The following PHACTR3 variants were observed in gnomAD, a reference collection of about 807,000 sequenced individuals.
PHACTR3 encodes the protein phosphatase and actin regulator 3, also known as protein phosphatase 1, regulatory subunit 123.
A neutral mutation model predicts 66.8 loss-of-function variants in PHACTR3; 16 were observed. That is an observed-to-expected ratio of 0.24 (90% CI 0.16 to 0.36). The LOEUF (loss-of-function observed/expected upper bound fraction) is 0.36, where lower values mean the gene tolerates loss of function less well. PHACTR3 is among the 10% of genes least tolerant of loss of function. PHACTR3 has a pLI of 1.00. For missense variants in PHACTR3, 647 were observed against 719.9 expected, an observed-to-expected ratio of 0.90 and a Z score of 1.16; for synonymous variants, 323 against 292.1, an observed-to-expected ratio of 1.11 and a Z score of -1.08.
chr20:59,839,515 A>T (rs1272380730), intron 9 of PHACTR3, among the ~76,000 whole-genome samples: 1 of 152,216 alleles, frequency 6.6e-6, no homozygotes, highest in East Asian at 1.9e-4. Flanking sequence ...TCTCTTTCCT[A>T]GGAATGGAGC....
At chr20:59,617,278 C>CA (rs948305834) in intron 1 of PHACTR3, among the ~76,000 whole-genome samples, 53 of 151,340 alleles carry the variant, frequency 3.5e-4, no homozygotes, top group African/African-American at 7.3e-4. Context: ...GAGAAAAACC[C>CA]AAAAAAAACA....
At chr20:59,683,998 A>C (rs922756664) in intron 1 of PHACTR3, among the ~76,000 whole-genome samples, 1 of 152,192 alleles carries the variant, frequency 6.6e-6, no homozygotes, top group African/African-American at 2.4e-5. Context: ...AAGAACGCAG[A>C]GAGGGGCAAT....
intron 12 of PHACTR3, among the ~76,000 whole-genome samples, chr20:59,846,909 A>G (rs2059161527): frequency 6.6e-6 from 1 of 152,164 alleles, no homozygotes; most frequent in Non-Finnish European, 1.5e-5. Context: ...AGTCCTAAGA[A>G]TTCAGCATAT....
intron 1 of PHACTR3, among the ~76,000 whole-genome samples, chr20:59,712,035 T>A (rs573692835): frequency 6.6e-5 from 10 of 152,310 alleles, no homozygotes; most frequent in African/African-American, 2.4e-4. Context: ...TTTTACTTTT[T>A]TATATGAATT....
chr20:59,591,518 C>G (rs913609054), intron 1 of PHACTR3, among the ~76,000 whole-genome samples: 1 of 152,104 alleles, frequency 6.6e-6, no homozygotes, highest in Non-Finnish European at 1.5e-5. Flanking sequence ...GTGAGGTGGA[C>G]CAGGGACCGC....
intron 1 of PHACTR3, chr20:59,676,867 A>C (rs2036464778): frequency 3.3e-6 from 1 of 307,516 alleles, no homozygotes; most frequent in Admixed American, 6.9e-5. Context: ...TAGCAGCAGC[A>C]GGGCCCTAAG....
rs373356691 is a variant in PHACTR3, at chr20:59,767,409, C to T, written c.751+14C>T. 3.7e-5 allele frequency: 60 copies of T among 1,609,766 alleles called. No homozygotes were observed. The South Asian group carries it at 5.3e-4, about 14-fold the overall frequency. On this transcript the variant is annotated intron_variant, in intron 5 of 12. Transcript: ENST00000371015. ...AAAATGTCACAGGTGGGTCCACATG[C>T]ATCCTGCCCATTCTATTTCCTTTCT...
chr20:59,758,523 T>C (rs2039888231), intron 4 of PHACTR3, among the ~76,000 whole-genome samples: 1 of 152,198 alleles, frequency 6.6e-6, no homozygotes, highest in African/African-American at 2.4e-5. Context: ...GCAGCTGGCT[T>C]ATTAGCAGTT....
chr20:59,742,977 A>T, intron 1 of PHACTR3, 130 bp from the exon 2 acceptor site: 1 of 1,066,570 alleles, frequency 9.4e-7, no homozygotes, highest in Non-Finnish European at 1.4e-6. Flanking sequence ...CTGCTGGACA[A>T]CCATCCTGGG....
In PHACTR3 at chr20:59,829,018, A is replaced by G. The variant is rs1471854554; in HGVS notation, c.1329-7487A>G. On this transcript the variant is annotated intron_variant, in intron 8 of 12. Coordinates refer to ENST00000371015, the MANE Select transcript of PHACTR3 (RefSeq NM_080672.5). This position sits in a 1 kb window ranked among gnomAD's most constrained non-coding sequence, Gnocchi z 4.2. ...TGGAGCTTCCTGGGGTGTTGGACGT[A>G]GGGAGTAAGAGGAGCCAGTTCTCCC... is the stretch of plus-strand genomic sequence containing the variant. 1.3e-5 allele frequency among the ~76,000 whole-genome samples: 2 copies of G among 152,022 alleles called. No homozygotes were observed. Among genetic ancestry groups the G allele is most frequent in the East Asian group, 3.9e-4 (2 of 5,156 alleles).
At chr20:59,704,873 T>A (rs1340222085) in intron 1 of PHACTR3, among the ~76,000 whole-genome samples, 1 of 152,040 alleles carries the variant, frequency 6.6e-6, no homozygotes, top group Non-Finnish European at 1.5e-5. Flanking sequence ...AGTTATACAA[T>A]CATTTTGGAG....
At chr20:59,773,696 AG>A (rs1269180675) in intron 6 of PHACTR3, among the ~76,000 whole-genome samples, 1 of 152,218 alleles carries the variant, frequency 6.6e-6, no homozygotes, top group Non-Finnish European at 1.5e-5. Context: ...CTGGCCACAA[AG>A]TCCTGTGCGT....
At chr20:59,700,789 GTTTTTT>G (rs151247514) in intron 1 of PHACTR3, among the ~76,000 whole-genome samples, 7,606 of 151,910 alleles carry the variant, frequency 0.05, 613 homozygotes, top group African/African-American at 0.17. Context: ...TTTTTGTTTT[GTTTTTT>G]TGTTTTTGTT....
chr20:59,608,209 C>A (rs2033728926), intron 1 of PHACTR3, among the ~76,000 whole-genome samples: 1 of 152,102 alleles, frequency 6.6e-6, no homozygotes, highest in African/African-American at 2.4e-5. Context: ...CTTTTTGTGG[C>A]CTTATTAGTT....
At chr20:59,707,553 G>T (rs1394988461) in intron 1 of PHACTR3, among the ~76,000 whole-genome samples, 1 of 143,762 alleles carries the variant, frequency 7.0e-6, no homozygotes, top group Non-Finnish European at 1.5e-5. Flanking sequence ...TGCAACCTCT[G>T]CCTCCTGGGT....
chr20:59,796,547 G>A (rs193078695), intron 7 of PHACTR3, among the ~76,000 whole-genome samples: 98 of 152,208 alleles, frequency 6.4e-4, no homozygotes, highest in African/African-American at 2.2e-3. Context: ...CAATCTAGTG[G>A]TAATGAATTT....
intron 9 of PHACTR3, among the ~76,000 whole-genome samples, chr20:59,837,670 A>G (rs1421364983): frequency 6.6e-6 from 1 of 152,248 alleles, no homozygotes; most frequent in African/African-American, 2.4e-5. Flanking sequence ...CAGAAAAGTC[A>G]AGCTGTTTCA....
chr20:59,833,224 T>C (rs991834719), intron 8 of PHACTR3, among the ~76,000 whole-genome samples: 12 of 152,210 alleles, frequency 7.9e-5, no homozygotes, highest in African/African-American at 2.9e-4. Flanking sequence ...CCTGTTGACA[T>C]TCAGTGAGAA....
intron 7 of PHACTR3, among the ~76,000 whole-genome samples, chr20:59,795,276 C>T (rs1012574641): frequency 2.6e-4 from 39 of 151,536 alleles, no homozygotes; most frequent in African/African-American, 9.5e-4. Context: ...GTTTTATTTC[C>T]TCATATTTGA....
Sources: allele counts gnomAD v4.1 joint callset (sites outside exome capture counted in the v4.1 genomes callset), GRCh38; gene constraint gnomAD v4.1.1; non-coding constraint Gnocchi (gnomAD v3.1); transcripts MANE v1.5; gene names NCBI Gene and HGNC (gene_info 2026-07-23, HGNC 2026-07-21).